SORCS3: variants seen among roughly 807,000 people sequenced by gnomAD.
SORCS3 encodes the protein sortilin related VPS10 domain containing receptor 3.
Under a neutral mutation model 146.3 loss-of-function variants are expected in SORCS3, and 57 were observed. The observed-to-expected ratio is 0.39, with a 90% CI of 0.31 to 0.49. The LOEUF is 0.49. Among genes scored for constraint, SORCS3 ranks in the 20% least tolerant of loss-of-function variants. SORCS3 has a pLI of 0.92. For synonymous variants in SORCS3, 653 were observed against 618.5 expected (o/e 1.06, Z -0.83); for missense variants, 1,341 against 1,575.5 (o/e 0.85, Z 2.52).
At chr10:104,755,965 ACTGACTAGGGACATGT>A (rs1478730422) in intron 1 of SORCS3, among the ~76,000 whole-genome samples, 3 of 152,096 alleles carry the variant, frequency 2.0e-5, no homozygotes, top group African/African-American at 7.2e-5. Flanking sequence ...TTGAGTGGAG[ACTGACTAGGGACATGT>A]CTGGAATGAG....
At position 104,641,850 on chromosome 10, in the gene SORCS3, G is replaced by A. The variant is rs375217719; in HGVS notation, c.523G>A (p.Gly175Arg). ...REEVKAPRAG[G>R]SAAEDLRLPS... Reference sequence around the variant, plus strand: ...GGAGGTGAAGGCGCCGCGGGCTGGGGGGTCGGCGGCTGAAGACCTCCGGCT... The same window carrying A: ...GGAGGTGAAGGCGCCGCGGGCTGGGAGGTCGGCGGCTGAAGACCTCCGGCT... Residue 175 changes from glycine to arginine, a missense_variant, in exon 1 of 27, where the codon GGG becomes AGG. Coordinates refer to ENST00000369701, the MANE Select transcript of SORCS3 (RefSeq NM_014978.3). This position sits in a 1 kb window ranked among gnomAD's most constrained non-coding sequence, Gnocchi z 6.4. The A allele has an allele frequency of 1.2e-4, 183 of 1,571,144 alleles. No individual in the cohort carries two copies. Among genetic ancestry groups the A allele is most frequent in the Admixed American group, 6.6e-4 (36 of 54,844 alleles).
intron 1 of SORCS3, among the ~76,000 whole-genome samples, chr10:104,661,959 G>A (rs554919085): frequency 3.3e-5 from 5 of 152,162 alleles, no homozygotes; most frequent in Non-Finnish European, 5.9e-5. Context: ...TGTGTGCCGG[G>A]TGCCAGTTTT....
chr10:105,077,676 G>T (rs1212014610), intron 5 of SORCS3, among the ~76,000 whole-genome samples: 1 of 151,998 alleles, frequency 6.6e-6, no homozygotes, highest in Admixed American at 6.6e-5. Context: ...TCTCTGCTTC[G>T]CTCTTCTATC....
At chr10:104,661,860 G>A (rs1306008967) in intron 1 of SORCS3, among the ~76,000 whole-genome samples, 1 of 152,198 alleles carries the variant, frequency 6.6e-6, no homozygotes, top group Non-Finnish European at 1.5e-5. Flanking sequence ...AGAGAAGTAT[G>A]TGTAGGTGGA....
chr10:105,142,862 A>C lies in SORCS3; in HGVS notation c.1302+3376A>C, dbSNP rs55729157. Among the ~76,000 whole-genome samples, 925 of 152,286 alleles carry C rather than the reference A, an allele frequency of 6.1e-3. 6 individuals carry two copies. The highest frequency in any genetic ancestry group is 0.021 in the African/African-American group (861 of 41,554). ...TATGGTTAATTCTGTTTTGAATAAT[A>C]AAAGAGAGGAAAGGGAAATATGTCT... On this transcript the variant is annotated intron_variant, in intron 8 of 26. Transcript: ENST00000369701.
At chr10:105,141,940 AT>A (rs1158370066) in intron 8 of SORCS3, among the ~76,000 whole-genome samples, 1 of 152,184 alleles carries the variant, frequency 6.6e-6, no homozygotes, top group African/African-American at 2.4e-5. Flanking sequence ...GATTTAATGA[AT>A]GGCTCATTGT....
intron 3 of SORCS3, among the ~76,000 whole-genome samples, chr10:104,945,288 C>T (rs562356530): frequency 6.8e-6 from 1 of 147,622 alleles, no homozygotes; most frequent in South Asian, 2.1e-4. Flanking sequence ...TGGAGTCTCG[C>T]TCTGTCAGGC....
intron 1 of SORCS3, among the ~76,000 whole-genome samples, chr10:104,771,945 A>T (rs10884043): frequency 6.6e-6 from 1 of 151,820 alleles, no homozygotes; most frequent in African/African-American, 2.4e-5. Flanking sequence ...TCTTTTTCCA[A>T]TTGGCCTCCT....
chr10:105,040,694 A>G (rs1372723370), intron 4 of SORCS3, among the ~76,000 whole-genome samples: 2 of 151,828 alleles, frequency 1.3e-5, no homozygotes, highest in Admixed American at 6.6e-5. Flanking sequence ...AGAGCTTTGT[A>G]GTGTTTTATT....
chr10:105,045,297 C>A (rs866705667), intron 5 of SORCS3, among the ~76,000 whole-genome samples: 1 of 152,108 alleles, frequency 6.6e-6, no homozygotes, highest in East Asian at 1.9e-4. Flanking sequence ...TAAAAAAGAA[C>A]GAGTCCCTAG....
chr10:104,770,812 G>T (rs1564679535), intron 1 of SORCS3, among the ~76,000 whole-genome samples: 1 of 151,922 alleles, frequency 6.6e-6, no homozygotes, highest in African/African-American at 2.4e-5. Context: ...CAGCCTGGGT[G>T]ACAGGAAGAA....
intron 11 of SORCS3, among the ~76,000 whole-genome samples, chr10:105,162,571 A>C (rs2056274545): frequency 6.6e-6 from 1 of 152,150 alleles, no homozygotes; most frequent in Non-Finnish European, 1.5e-5. Flanking sequence ...TTCATCTGGG[A>C]ACCAACTTTC....
intron 26 of SORCS3, 151 bp downstream of exon 26, chr10:105,262,642 C>T: frequency 1.2e-6 from 1 of 803,908 alleles, no homozygotes; most frequent in Non-Finnish European, 1.8e-6. Flanking sequence ...TCTGCCACCT[C>T]TGGCCACAGG....
chr10:105,013,982 G>GAC (rs71952036), intron 4 of SORCS3, among the ~76,000 whole-genome samples: 6,008 of 144,634 alleles, frequency 0.042, 355 homozygotes, highest in African/African-American at 0.13. Context: ...CAGACACACA[G>GAC]ACACACACAC....
At chr10:104,974,644 T>C (rs545190405) in intron 3 of SORCS3, among the ~76,000 whole-genome samples, 8,874 of 152,044 alleles carry the variant, frequency 0.058, 256 homozygotes, top group African/African-American at 0.073. Flanking sequence ...CTTGACTCTT[T>C]ATCCAATTTG....
intron 3 of SORCS3, among the ~76,000 whole-genome samples, chr10:104,962,394 G>A (rs951543281): frequency 6.6e-6 from 1 of 152,194 alleles, no homozygotes; most frequent in Non-Finnish European, 1.5e-5. Flanking sequence ...GAGAGTATTG[G>A]TGTTTCTTGT....
chr10:104,993,716 C>G (rs950621733), intron 4 of SORCS3, among the ~76,000 whole-genome samples: 1 of 152,126 alleles, frequency 6.6e-6, no homozygotes, highest in African/African-American at 2.4e-5. Flanking sequence ...TAGATCATTA[C>G]TCTTGATATA....
chr10:104,825,740 T>C (rs1005987602), intron 1 of SORCS3, among the ~76,000 whole-genome samples: 1 of 152,204 alleles, frequency 6.6e-6, no homozygotes, highest in Non-Finnish European at 1.5e-5. Context: ...CCCACCCCTG[T>C]TGCTGCGCTG....
At chr10:104,880,227 T>TA (rs2018617528) in intron 2 of SORCS3, among the ~76,000 whole-genome samples, 1 of 152,208 alleles carries the variant, frequency 6.6e-6, no homozygotes, top group African/African-American at 2.4e-5. Context: ...ATGAGAATTG[T>TA]AAAAGACCTT....
Sources: gnomAD v4.1 joint callset for allele counts (sites outside exome capture counted in the v4.1 genomes callset) on GRCh38, gnomAD v4.1.1 for gene constraint, Gnocchi (gnomAD v3.1) non-coding constraint, MANE v1.5 for transcripts, NCBI Gene and HGNC (gene_info 2026-07-23, HGNC 2026-07-21) for gene names.